The following RREB1 variants were observed in gnomAD, a reference collection of about 807,000 sequenced individuals.
The protein encoded by RREB1 is ras-responsive element-binding protein 1.
RREB1 carries 27 observed loss-of-function variants against 117.8 expected under a neutral mutation model. The observed-to-expected ratio is 0.23, with a 90% CI of 0.17 to 0.32. RREB1 has a LOEUF of 0.32. RREB1 is among the 10% of genes least tolerant of loss of function. RREB1 has a pLI of 1.00. For missense variants in RREB1, 2,577 were observed against 2,378.2 expected (o/e 1.08, Z -1.74); for synonymous variants, 1,298 against 1,026.7 (o/e 1.26, Z -5.05).
chr6:7,122,807 T>A (rs1761733783), intron 1 of RREB1, among the ~76,000 whole-genome samples: 1 of 151,782 alleles, frequency 6.6e-6, no homozygotes, highest in African/African-American at 2.4e-5. Context: ...AAATGAGAAG[T>A]GTGTTATAAA....
chr6:7,238,516 C>T (rs1301845595), intron 10 of RREB1, among the ~76,000 whole-genome samples: 2 of 152,194 alleles, frequency 1.3e-5, no homozygotes, highest in African/African-American at 2.4e-5. Flanking sequence ...GGATTACAGG[C>T]GTGAGCCACC....
At chr6:7,116,380 C>T (rs540938343) in intron 1 of RREB1, among the ~76,000 whole-genome samples, 2 of 152,246 alleles carry the variant, frequency 1.3e-5, no homozygotes, top group Middle Eastern at 3.4e-3. Flanking sequence ...TTAAATACTA[C>T]CTCTTCTATG....
chr6:7,211,080 T>G, intron 7 of RREB1, 132 bp downstream of exon 7: 1 of 892,034 alleles, frequency 1.1e-6, no homozygotes, highest in Non-Finnish European at 1.7e-6. Context: ...TTTCCCATAC[T>G]GTTTCTGTAA....
intron 2 of RREB1, among the ~76,000 whole-genome samples, chr6:7,178,874 T>G (rs1764642631): frequency 6.6e-6 from 1 of 152,234 alleles, no homozygotes; most frequent in Non-Finnish European, 1.5e-5. Context: ...AGCAAATATC[T>G]TCCTGTCCAG....
intron 1 of RREB1, among the ~76,000 whole-genome samples, chr6:7,121,756 A>G (rs1050737661): frequency 9.9e-5 from 15 of 151,940 alleles, no homozygotes; most frequent in Non-Finnish European, 2.1e-4. Flanking sequence ...TACTACGTTA[A>G]TTAACTTTTT....
At position 7,231,527 on chromosome 6, in the gene RREB1, A is replaced by G. The variant is rs1324991268; in HGVS notation, c.3428A>G (p.Glu1143Gly). 1 of 1,608,810 alleles carries G rather than the reference A, an allele frequency of 6.2e-7. No individual in the cohort carries two copies. The highest frequency in any genetic ancestry group is 2.2e-5 in the East Asian group (1 of 44,628). ...AGCCCAGAGGCTGCCTCTCCCACCG[A>G]GCAGGGCCCAGCGGGCACGTCGAAG... ...ASSPEAASPT[E>G]QGPAGTSKKR... Residue 1143 changes from glutamate (E) to glycine (G), a missense_variant, in exon 10 of 13, where the codon GAG becomes GGG. Coordinates refer to ENST00000379938, the MANE Select transcript of RREB1 (RefSeq NM_001003699.4).
At chr6:7,118,021 A>C (rs985154495) in intron 1 of RREB1, among the ~76,000 whole-genome samples, 6 of 152,238 alleles carry the variant, frequency 3.9e-5, no homozygotes, top group South Asian at 2.1e-4. Flanking sequence ...TGCTAACTAG[A>C]GTTTAGGCTC....
Position 7,230,029 on chromosome 6 carries a change from C to T in RREB1, c.1930C>T (p.Pro644Ser), listed in dbSNP as rs773245765. Residue 644 changes from proline to serine, a missense_variant, in exon 10 of 13, where the codon CCC becomes TCC. By Grantham distance (74) the Pro-to-Ser change is moderately conservative (BLOSUM62 -1). Transcript: ENST00000379938. Reference sequence around the variant, plus strand: ...GCCCGCCATGCGCAAGGTGCTCTACCCCTGCCGCTTCTGCAACCAGGTGTT... The same window carrying T: ...GCCCGCCATGCGCAAGGTGCTCTACTCCTGCCGCTTCTGCAACCAGGTGTT... ...KTPAMRKVLY[P>S]CRFCNQVFAF... is the part of the protein sequence containing the mutation. 5.6e-6 allele frequency: 9 copies of T among 1,610,984 alleles called. No homozygotes were observed. The East Asian group carries it at 1.8e-4, about 32-fold the overall frequency.
At chr6:7,138,650 C>T (rs1173112912) in intron 1 of RREB1, among the ~76,000 whole-genome samples, 2 of 152,186 alleles carry the variant, frequency 1.3e-5, no homozygotes, top group Non-Finnish European at 2.9e-5. Context: ...AGCTCACACT[C>T]GTATTTCTTT....
At chr6:7,148,007 G>A (rs553653823) in intron 1 of RREB1, among the ~76,000 whole-genome samples, 5 of 152,308 alleles carry the variant, frequency 3.3e-5, no homozygotes, top group African/African-American at 1.2e-4. Flanking sequence ...TGACTCAAAA[G>A]TAGTATATTG....
intron 1 of RREB1, among the ~76,000 whole-genome samples, chr6:7,175,949 G>T (rs769327802): frequency 6.6e-5 from 10 of 152,136 alleles, no homozygotes; most frequent in Non-Finnish European, 1.0e-4. Context: ...ACAAGGTCTG[G>T]CTCTGTTACC....
At chr6:7,236,418 C>T (rs1172640290) in intron 10 of RREB1, among the ~76,000 whole-genome samples, 1 of 152,176 alleles carries the variant, frequency 6.6e-6, no homozygotes, top group Non-Finnish European at 1.5e-5. Flanking sequence ...GAGCTTCGGT[C>T]AGTGAGTCAT....
At position 7,250,284 on chromosome 6, in the gene RREB1, CTA is replaced by C. The variant is rs1769353506; in HGVS notation, c.*1317_*1318del. On this transcript the variant is annotated 3_prime_UTR_variant, in exon 13 of 13. Coordinates refer to ENST00000379938, the MANE Select transcript of RREB1 (RefSeq NM_001003699.4). Reference sequence around the variant, plus strand: ...GGAAATACTACTACTGGTAATAAAACTACACATGCAAGATGTCAGATAAGAAA... The same window carrying C: ...GGAAATACTACTACTGGTAATAAAACCACATGCAAGATGTCAGATAAGAAA... The C allele has an allele frequency of 6.6e-6, 1 of 152,206 alleles. No individual in the cohort carries two copies. Among genetic ancestry groups the C allele is most frequent in the Non-Finnish European group, 1.5e-5 (1 of 68,042 alleles). The allele number at this position is 152,206 out of a possible 1,614,324, so 9.4% of individuals were successfully genotyped here.
At chr6:7,196,995 A>G (rs1044715107) in intron 6 of RREB1, among the ~76,000 whole-genome samples, 5 of 152,144 alleles carry the variant, frequency 3.3e-5, no homozygotes, top group Admixed American at 3.3e-4. Context: ...GAAAATTTGG[A>G]TTGAGTGGTG....
intron 8 of RREB1, among the ~76,000 whole-genome samples, chr6:7,223,257 T>TTA (rs1244799014): frequency 4.1e-5 from 4 of 97,280 alleles, no homozygotes; most frequent in South Asian, 3.6e-4. Flanking sequence ...ACTCTCTTTT[T>TTA]AAAAAAAAAA....
intron 6 of RREB1, among the ~76,000 whole-genome samples, chr6:7,199,646 T>G (rs1765841329): frequency 6.6e-6 from 1 of 151,964 alleles, no homozygotes; most frequent in South Asian, 2.1e-4. Context: ...GTTTTGTGTG[T>G]GTGTGTGATT....
At chr6:7,234,349 GC>G (rs1768178636) in intron 10 of RREB1, among the ~76,000 whole-genome samples, 4 of 151,930 alleles carry the variant, frequency 2.6e-5, no homozygotes, top group Admixed American at 2.6e-4. Flanking sequence ...GGCTTGGCTC[GC>G]CCCCTTCCTC....
rs765793510 is a variant in RREB1, at chr6:7,231,279, A to G, written c.3180A>G (p.Glu1060=). ...PLLLPKPPVT[E]ELPPLASIAQ... ...TTTTGCCAAAGCCCCCCGTGACAGA[A>G]GAGCTGCCCCCGCTGGCCTCCATTG... The change falls in exon 10 of 13, where the codon GAA becomes GAG. Residue 1060 remains glutamate, a synonymous_variant. Coordinates refer to ENST00000379938, the MANE Select transcript of RREB1 (RefSeq NM_001003699.4). 45 of 1,610,468 alleles carry G rather than the reference A, an allele frequency of 2.8e-5. No individual in the cohort carries two copies. The Admixed American group carries it at 7.4e-4, about 26-fold the overall frequency.
intron 1 of RREB1, among the ~76,000 whole-genome samples, chr6:7,132,405 ATCCATCTACGTT>A: frequency 6.6e-6 from 1 of 152,052 alleles, no homozygotes; most frequent in Non-Finnish European, 1.5e-5. Flanking sequence ...GCCTCAAGCG[ATCCATCTACGTT>A]GGCCTTCTAA....
Sources: allele counts gnomAD v4.1 joint callset (sites outside exome capture counted in the v4.1 genomes callset), GRCh38; gene constraint gnomAD v4.1.1; transcripts MANE v1.5; gene names NCBI Gene and HGNC (gene_info 2026-07-23, HGNC 2026-07-21).